The following EGF variants were observed in gnomAD, a reference collection of about 807,000 sequenced individuals.
The protein encoded by EGF is epidermal growth factor.
In EGF, 95 loss-of-function variants were observed where a neutral mutation model predicts 143.8. The ratio of observed to expected loss-of-function variants is 0.66; its 90% confidence interval spans 0.56 to 0.78. The LOEUF is 0.78. Among genes scored for constraint, EGF ranks in the 30% least tolerant of loss-of-function variants. The pLI is 0.00. For missense variants in EGF, 1,320 were observed against 1,470.9 expected, an observed-to-expected ratio of 0.90 and a Z score of 1.68; for synonymous variants, 510 against 510.5, an observed-to-expected ratio of 1.00 and a Z score of 0.01.
At chr4:109,985,214 G>A (rs1265068405) in intron 16 of EGF, among the ~76,000 whole-genome samples, 1 of 152,132 alleles carries the variant, frequency 6.6e-6, no homozygotes, top group Admixed American at 6.5e-5. Context: ...TGATTGTCCT[G>A]GTGAAAAACC....
intron 5 of EGF, among the ~76,000 whole-genome samples, chr4:109,948,053 A>C (rs896864469): frequency 1.3e-5 from 2 of 152,240 alleles, no homozygotes; most frequent in Non-Finnish European, 2.9e-5. Context: ...CTTCTGTGAC[A>C]GGAAGTTCAA....
intron 11 of EGF, among the ~76,000 whole-genome samples, chr4:109,972,042 A>G (rs537733440): frequency 9.9e-5 from 15 of 152,134 alleles, no homozygotes; most frequent in Admixed American, 4.6e-4. Flanking sequence ...AACTAATATG[A>G]GGTAAAAAAA....
chr4:109,962,330 C>A (rs1170983448), intron 8 of EGF, among the ~76,000 whole-genome samples: 1 of 152,174 alleles, frequency 6.6e-6, no homozygotes, highest in Non-Finnish European at 1.5e-5. Flanking sequence ...TACTTGCCAC[C>A]TTGATTAAAT....
At chr4:109,933,654 T>A (rs1029230523) in intron 1 of EGF, among the ~76,000 whole-genome samples, 3 of 152,196 alleles carry the variant, frequency 2.0e-5, no homozygotes, top group Non-Finnish European at 2.9e-5. Flanking sequence ...CACCCACTTA[T>A]GAGTGAGAAC....
chr4:109,955,366 G>A (rs1220390033), intron 5 of EGF, among the ~76,000 whole-genome samples: 1 of 152,150 alleles, frequency 6.6e-6, no homozygotes, highest in East Asian at 1.9e-4. Context: ...CATTCTCAGT[G>A]CTGGCTTTGG....
chr4:109,932,379 A>AATT (rs1560643498), intron 1 of EGF, among the ~76,000 whole-genome samples: 1 of 113,496 alleles, frequency 8.8e-6, no homozygotes, highest in African/African-American at 3.9e-5. Flanking sequence ...ATATATATAA[A>AATT]TTTTTTTTTT....
intron 17 of EGF, 60 bp from the exon 18 acceptor site, chr4:109,988,524 C>T: frequency 1.2e-6 from 2 of 1,610,486 alleles, no homozygotes; most frequent in Non-Finnish European, 1.7e-6. Flanking sequence ...TTCTTTCCAA[C>T]TAGTCCCATT....
rs1578292119 is a variant in EGF, at chr4:109,968,707, T to TACCTACCTACCTACCTAC, written c.1576-264_1576-263insACCTACCTACCTACCTAC. Reference sequence around the variant, plus strand: ...ATCTATCTATCTATCTATCTATCTATCTACCTACCTACCTACCTACCTAAT... The same window carrying TACCTACCTACCTACCTAC: ...ATCTATCTATCTATCTATCTATCTATACCTACCTACCTACCTACCTACCTACCTACCTACCTACCTAAT... On this transcript the variant is annotated intron_variant, in intron 10 of 23. Coordinates refer to ENST00000265171, the MANE Select transcript of EGF (RefSeq NM_001963.6). 185 of 351,460 alleles carry TACCTACCTACCTACCTAC rather than the reference T, an allele frequency of 5.3e-4. 4 individuals are homozygous for TACCTACCTACCTACCTAC. The highest frequency in any genetic ancestry group is 3.6e-3 in the East Asian group (56 of 15,514). 21.8% of individuals were successfully genotyped at this position (351,460 alleles called of 1,614,324 possible).
intron 1 of EGF, among the ~76,000 whole-genome samples, chr4:109,927,836 T>A (rs903122608): frequency 2.0e-5 from 3 of 150,182 alleles, no homozygotes; most frequent in Non-Finnish European, 4.5e-5. Context: ...TGTGTGTGTG[T>A]GTGTGTGTGT....
chr4:109,942,672 G>C (rs1742122067), intron 2 of EGF, among the ~76,000 whole-genome samples: 1 of 152,202 alleles, frequency 6.6e-6, no homozygotes, highest in Non-Finnish European at 1.5e-5. Flanking sequence ...TATCATGAAA[G>C]AGTTGGGAAT....
intron 1 of EGF, among the ~76,000 whole-genome samples, chr4:109,935,465 G>C (rs893863461): frequency 6.6e-6 from 1 of 152,120 alleles, no homozygotes; most frequent in Non-Finnish European, 1.5e-5. Flanking sequence ...TGAGACGATG[G>C]GGTTTTCTAG....
chr4:110,005,036 C>CTTTTTTTTTTTTTT (rs538062029), intron 22 of EGF, among the ~76,000 whole-genome samples: 10 of 80,696 alleles, frequency 1.2e-4, no homozygotes, highest in Non-Finnish European at 1.6e-4. Context: ...TTTTCTCTGT[C>CTTTTTTTTTTTTTT]TTTTTTTTTT....
chr4:109,979,468 T>C (rs1245262212), intron 13 of EGF, among the ~76,000 whole-genome samples: 1 of 151,906 alleles, frequency 6.6e-6, no homozygotes, highest in Admixed American at 6.6e-5. Context: ...CAGGCAAATG[T>C]GTTGGTGGAG....
At chr4:109,981,380 A>T (rs1749333301) in intron 15 of EGF, among the ~76,000 whole-genome samples, 1 of 152,246 alleles carries the variant, frequency 6.6e-6, no homozygotes, top group African/African-American at 2.4e-5. Context: ...AGAAAATCAA[A>T]GTCCTTTATA....
At chr4:109,974,331 T>C (rs997689179) in intron 11 of EGF, among the ~76,000 whole-genome samples, 30 of 152,334 alleles carry the variant, frequency 2.0e-4, no homozygotes, top group African/African-American at 7.0e-4. Context: ...CATGATCCCA[T>C]GAGGATAACA....
At chr4:110,010,849 C>G (rs908502589) in intron 23 of EGF, among the ~76,000 whole-genome samples, 1 of 151,950 alleles carries the variant, frequency 6.6e-6, no homozygotes, top group Non-Finnish European at 1.5e-5. Context: ...TCGCTTGAGC[C>G]CAGGAGTTCA....
At chr4:109,930,586 A>AGCTAGG (rs1739512931) in intron 1 of EGF, among the ~76,000 whole-genome samples, 1 of 152,184 alleles carries the variant, frequency 6.6e-6, no homozygotes, top group Admixed American at 6.5e-5. Context: ...CCTGATAGAC[A>AGCTAGG]GCTAGGATTT....
At chr4:109,963,785 A>G (rs11568958) in intron 9 of EGF, among the ~76,000 whole-genome samples, 2,403 of 152,318 alleles carry the variant, frequency 0.016, 16 homozygotes, top group Middle Eastern at 0.037. Flanking sequence ...CTAGATTTAT[A>G]CCAAATTGAT....
chr4:109,996,102 A>T (rs1405253946), intron 20 of EGF, among the ~76,000 whole-genome samples: 1 of 152,200 alleles, frequency 6.6e-6, no homozygotes, highest in Non-Finnish European at 1.5e-5. Flanking sequence ...TGAAATTACA[A>T]AAATAAATGT....
Sources: gnomAD v4.1 joint callset for allele counts (sites outside exome capture counted in the v4.1 genomes callset) on GRCh38, gnomAD v4.1.1 for gene constraint, MANE v1.5 for transcripts, NCBI Gene and HGNC (gene_info 2026-07-23, HGNC 2026-07-21) for gene names.